GTF3C2: variants seen among roughly 807,000 people sequenced by gnomAD.
GTF3C2 encodes general transcription factor 3C polypeptide 2.
GTF3C2 carries 17 observed loss-of-function variants against 117.4 expected under a neutral mutation model. That is an observed-to-expected ratio of 0.14 (90% CI 0.10 to 0.22). GTF3C2 has a LOEUF of 0.22. Ranked by LOEUF, GTF3C2 falls within the 10% of genes least tolerant of loss-of-function variation. GTF3C2 has a pLI of 1.00. For missense variants in GTF3C2, 888 were observed against 1,143.6 expected (o/e 0.78, Z 3.22); for synonymous variants, 437 against 427.0 (o/e 1.02, Z -0.29).
intron 3 of GTF3C2, 185 bp downstream of exon 3, chr2:27,342,641 C>T (rs756217162): frequency 1.7e-6 from 1 of 595,028 alleles, no homozygotes; most frequent in Admixed American, 3.1e-5. Context: ...CTTAGATAAA[C>T]CAAGTTAGCA....
chr2:27,348,466 C>T (rs917705989), intron 1 of GTF3C2, among the ~76,000 whole-genome samples: 1 of 151,846 alleles, frequency 6.6e-6, no homozygotes, highest in Non-Finnish European at 1.5e-5. Context: ...AAACCGAAAA[C>T]ATGTATCATA....
intron 4 of GTF3C2, among the ~76,000 whole-genome samples, chr2:27,339,405 G>A (rs1411567103): frequency 4.7e-4 from 54 of 114,448 alleles, no homozygotes; most frequent in Admixed American, 3.0e-4. Flanking sequence ...GCGAAACTCC[G>A]TCTCAAAAAA....
At chr2:27,352,748 C>T (rs1326446614) in intron 1 of GTF3C2, among the ~76,000 whole-genome samples, 2 of 152,158 alleles carry the variant, frequency 1.3e-5, no homozygotes, top group African/African-American at 2.4e-5. Flanking sequence ...TCCTAAGAAG[C>T]ATATTGTCCC....
exon 18 of GTF3C2, chr2:27,327,220 G>C: frequency 6.2e-7 from 1 of 1,609,904 alleles, no homozygotes; most frequent in Non-Finnish European, 8.5e-7. Context: ...GCAGAGTTGA[G>C]AATGCCCCTC....
chr2:27,334,803 C>T (rs987913246), intron 10 of GTF3C2, among the ~76,000 whole-genome samples: 8 of 151,958 alleles, frequency 5.3e-5, no homozygotes, highest in African/African-American at 1.7e-4. Context: ...CCACTATGTT[C>T]GGCTACTTTT....
chr2:27,335,504 G>A, intron 10 of GTF3C2, 94 bp downstream of exon 10: 1 of 746,466 alleles, frequency 1.3e-6, no homozygotes. Context: ...TGCTAAGAGA[G>A]ACTGGCCCAG....
chr2:27,347,036 G>A (rs1680941960), intron 1 of GTF3C2, among the ~76,000 whole-genome samples: 1 of 152,140 alleles, frequency 6.6e-6, no homozygotes, highest in African/African-American at 2.4e-5. Flanking sequence ...AAATTGTCAT[G>A]AGTCTTCATT....
At chr2:27,339,507 T>C (rs1281574110) in intron 4 of GTF3C2, 1 of 152,130 alleles carries the variant, frequency 6.6e-6, no homozygotes, top group Admixed American at 6.5e-5. Context: ...TATCCATGAT[T>C]TGTTGCATTG....
intron 1 of GTF3C2, among the ~76,000 whole-genome samples, chr2:27,344,395 A>C (rs1210425097): frequency 1.3e-5 from 2 of 152,176 alleles, no homozygotes; most frequent in African/African-American, 4.8e-5. Flanking sequence ...TACATTATCT[A>C]ATTTAAAGCT....
At chr2:27,342,470 A>G in intron 3 of GTF3C2, 1 of 557,862 alleles carries the variant, frequency 1.8e-6, no homozygotes, top group Non-Finnish European at 3.2e-6. Flanking sequence ...TCTCACTCCA[A>G]GTTCAATACA....
chr2:27,341,719 C>A (rs1572576106), intron 4 of GTF3C2: 8 of 536,316 alleles, frequency 1.5e-5, no homozygotes, highest in Middle Eastern at 5.0e-4. Flanking sequence ...TGTTGTGTTT[C>A]CTAACAGAGA....
chr2:27,355,984 T>G lies in GTF3C2; in HGVS notation c.-25+755A>C, dbSNP rs1453376267. The G allele has an allele frequency of 4.6e-6, 3 of 654,988 alleles. No homozygotes were observed. The African/African-American group carries it at 5.6e-5, about 12-fold the overall frequency. 40.6% of individuals were successfully genotyped at this position (654,988 alleles called of 1,614,324 possible). The stretch of plus-strand genomic sequence containing the variant: ...AGTAAGTCAATTTAAAGAGAACTAT[T>G]CAGAAAACAATAGTACAATTGATAA... On this transcript the variant is annotated intron_variant, in intron 1 of 18. Coordinates refer to ENST00000264720, the Ensembl canonical transcript of GTF3C2.
At chr2:27,325,908 T>C (rs1680058652) in exon 19 of GTF3C2, 1 of 178,162 alleles carries the variant, frequency 5.6e-6, no homozygotes, top group Non-Finnish European at 1.2e-5. Context: ...ACATGATAGC[T>C]ATGGTTAAAT....
At chr2:27,327,973 T>C (rs1401326413) in intron 17 of GTF3C2, 64 bp downstream of exon 17, 1 of 1,382,474 alleles carries the variant, frequency 7.2e-7, no homozygotes, top group Non-Finnish European at 1.0e-6. Flanking sequence ...GCTTGCGTAC[T>C]ATACAAAGAC....
At chr2:27,343,281 A>G (rs376841954) in intron 2 of GTF3C2, 27 bp downstream of exon 2, 398 of 1,603,248 alleles carry the variant, frequency 2.5e-4, no homozygotes, top group Non-Finnish European at 3.2e-4. Flanking sequence ...CATGGGGAAT[A>G]AAAAGATAAG....
chr2:27,334,883 A>C (rs1344341643), intron 10 of GTF3C2, among the ~76,000 whole-genome samples: 1 of 152,084 alleles, frequency 6.6e-6, no homozygotes, highest in East Asian at 1.9e-4. Flanking sequence ...AGGCTCAAGC[A>C]ATCCTCCCAC....
chr2:27,326,213 G>A, exon 19 of GTF3C2: 2 of 472,540 alleles, frequency 4.2e-6, no homozygotes, highest in Non-Finnish European at 4.4e-6. Context: ...ATACATGATG[G>A]TTACCCTAAA....
chr2:27,326,004 A>G, exon 19 of GTF3C2: 1 of 257,098 alleles, frequency 3.9e-6, no homozygotes, highest in South Asian at 3.7e-5. Context: ...CTGACTTGAT[A>G]TAAAGGAAGA....
intron 1 of GTF3C2, among the ~76,000 whole-genome samples, chr2:27,355,888 A>G (rs1053497459): frequency 1.3e-5 from 2 of 152,230 alleles, no homozygotes; most frequent in Non-Finnish European, 2.9e-5. Flanking sequence ...ATAAACAATT[A>G]TAAGTAGCCC....
Sources: allele counts gnomAD v4.1 joint callset (sites outside exome capture counted in the v4.1 genomes callset), GRCh38; gene constraint gnomAD v4.1.1; transcripts MANE v1.5; gene names NCBI Gene and HGNC (gene_info 2026-07-23, HGNC 2026-07-21).